The following PPP1R16A variants were observed in gnomAD, a reference collection of about 807,000 sequenced individuals.
The protein encoded by PPP1R16A is protein phosphatase 1 regulatory subunit 16A.
Under a neutral mutation model 46.6 loss-of-function variants are expected in PPP1R16A, and 39 were observed. The ratio of observed to expected loss-of-function variants is 0.84; its 90% CI spans 0.65 to 1.09. PPP1R16A has a LOEUF of 1.09. Ranked by LOEUF, PPP1R16A falls within the 50% of genes least tolerant of loss-of-function variation. PPP1R16A has a pLI of 0.00. For synonymous variants in PPP1R16A, 413 were observed against 321.5 expected (o/e 1.28, Z -3.04); for missense variants, 798 against 735.6 (o/e 1.08, Z -0.98).
chr8:144,501,151 C>T lies in PPP1R16A; in HGVS notation c.1060C>T (p.Leu354=). ...SRGKVVRRVS[L]TQRTDLYRKQ... Reference sequence around the variant, plus strand: ...CAGGAAGGTGGTGAGGCGGGTGAGCCTAACCCAGCGCACCGACCTGTACCG... The same window carrying T: ...CAGGAAGGTGGTGAGGCGGGTGAGCTTAACCCAGCGCACCGACCTGTACCG... The change falls in exon 11 of 12, where the codon CTA becomes TTA. Residue 354 remains leucine, a synonymous_variant. Coordinates refer to ENST00000435887, the MANE Select transcript of PPP1R16A (RefSeq NM_001329443.2). 7 of 1,610,926 alleles carry T rather than the reference C, an allele frequency of 4.3e-6. No individual in the cohort carries two copies. Among genetic ancestry groups the T allele is most frequent in the Non-Finnish European group, 5.9e-6 (7 of 1,179,664 alleles).
chr8:144,483,076 C>G (rs935673171), intron 1 of PPP1R16A, among the ~76,000 whole-genome samples: 2 of 152,240 alleles, frequency 1.3e-5, no homozygotes, highest in Admixed American at 1.3e-4. Flanking sequence ...GCCACCGCGC[C>G]CGGCCCAACT....
At chr8:144,481,806 C>G (rs1461810816) in intron 1 of PPP1R16A, among the ~76,000 whole-genome samples, 1 of 152,058 alleles carries the variant, frequency 6.6e-6, no homozygotes, top group Non-Finnish European at 1.5e-5. Flanking sequence ...GAGACAGAGT[C>G]TTGCTCTGTT....
rs1480524230 is a variant in PPP1R16A at position 144,500,891 on chromosome 8, C to G, written c.957C>G (p.His319Gln). 1 of 1,550,022 alleles carries G rather than the reference C, an allele frequency of 6.5e-7. No homozygotes were observed. Among genetic ancestry groups the G allele is most frequent in the Admixed American group, 1.9e-5 (1 of 51,812 alleles). Residue 319 changes from histidine (H) to glutamine (Q), a missense_variant, in exon 10 of 12, where the codon CAC becomes CAG. His to Gln is a conservative substitution (Grantham distance 24). Coordinates refer to ENST00000435887, the MANE Select transcript of PPP1R16A (RefSeq NM_001329443.2). Reference sequence around the variant, plus strand: ...GGGCCAAGCTGCTGGAGCTGAAGCACAAGCACGACGCCCTCCTGCGCGCCC... The same window carrying G: ...GGGCCAAGCTGCTGGAGCTGAAGCAGAAGCACGACGCCCTCCTGCGCGCCC... ...EVRAKLLELK[H>Q]KHDALLRAQS...
At chr8:144,501,377 G>T (rs1826456821) in intron 11 of PPP1R16A, 83 bp downstream of exon 11, 1 of 1,498,112 alleles carries the variant, frequency 6.7e-7, no homozygotes, top group Non-Finnish European at 8.9e-7. Context: ...ACCCCCTCCT[G>T]CCTGTGTCAG....
At chr8:144,485,350 G>A (rs1047413713) in intron 1 of PPP1R16A, among the ~76,000 whole-genome samples, 41 of 150,922 alleles carry the variant, frequency 2.7e-4, no homozygotes, top group Admixed American at 9.9e-4. Flanking sequence ...TGGTGAAACC[G>A]TGTCTCTACT....
At chr8:144,483,369 A>T (rs1027522568) in intron 1 of PPP1R16A, among the ~76,000 whole-genome samples, 4 of 152,112 alleles carry the variant, frequency 2.6e-5, no homozygotes, top group Non-Finnish European at 5.9e-5. Context: ...GAACTTTGTC[A>T]TCCTATGTGT....
At chr8:144,500,995 C>T (rs1276202637) in intron 10 of PPP1R16A, 24 bp downstream of exon 10, 2 of 1,433,986 alleles carry the variant, frequency 1.4e-6, no homozygotes, top group Non-Finnish European at 1.8e-6. Flanking sequence ...CCAGCAGGCC[C>T]CGCCCCGGGC....
chr8:144,480,410 G>A lies in PPP1R16A; in HGVS notation c.-914+2283G>A, dbSNP rs1009067666. Among the ~76,000 whole-genome samples the A allele has an allele frequency of 1.7e-4, 26 of 152,204 alleles. 2 individuals are homozygous for A. The highest frequency in any genetic ancestry group is 1.4e-3 in the Admixed American group (22 of 15,290). On this transcript the variant is annotated intron_variant, in intron 1 of 11. Transcript: ENST00000435887. ...ACTCACTGCAACCTCTGCCTCCCGCGTTCAAATGATTTTCCTGCCTCAGCC... is the reference window on the plus strand; with the variant it reads ...ACTCACTGCAACCTCTGCCTCCCGCATTCAAATGATTTTCCTGCCTCAGCC...
At chr8:144,486,675 C>T (rs1283363363) in intron 1 of PPP1R16A, among the ~76,000 whole-genome samples, 1 of 152,194 alleles carries the variant, frequency 6.6e-6, no homozygotes, top group Non-Finnish European at 1.5e-5. Context: ...TGTGTCTTTG[C>T]ATCCTCTGCC....
intron 1 of PPP1R16A, among the ~76,000 whole-genome samples, chr8:144,488,233 G>C (rs761288216): frequency 6.7e-6 from 1 of 149,746 alleles, no homozygotes; most frequent in African/African-American, 2.5e-5. Flanking sequence ...CTTTCCAGGG[G>C]ATATGCTTTG....
At chr8:144,489,485 C>G (rs118176809) in intron 1 of PPP1R16A, among the ~76,000 whole-genome samples, 3 of 152,128 alleles carry the variant, frequency 2.0e-5, no homozygotes, top group Admixed American at 6.5e-5. Flanking sequence ...ACCACTCACT[C>G]GTCCAGCCAC....
chr8:144,493,612 C>G lies in PPP1R16A; in HGVS notation c.-734-2849C>G, dbSNP rs534006295. Among the ~76,000 whole-genome samples the G allele has an allele frequency of 1.3e-4, 20 of 152,186 alleles. No individual in the cohort carries two copies. The highest frequency in any genetic ancestry group is 4.3e-4 in the African/African-American group (18 of 41,540). On this transcript the variant is annotated intron_variant, in intron 2 of 11. Transcript: ENST00000435887. This position sits in a 1 kb window ranked among gnomAD's most constrained non-coding sequence, Gnocchi z 4.3. ...CCCACTGCCGTGGGCCTTCGGCTGGCTGCTTCCTTCTGAGGGTGATTCCTG... is the reference window on the plus strand; with the variant it reads ...CCCACTGCCGTGGGCCTTCGGCTGGGTGCTTCCTTCTGAGGGTGATTCCTG...
intron 1 of PPP1R16A, among the ~76,000 whole-genome samples, chr8:144,482,759 C>T (rs1313743782): frequency 6.6e-6 from 1 of 151,784 alleles, no homozygotes; most frequent in Non-Finnish European, 1.5e-5. Context: ...AGCGATTCTC[C>T]TGCCTCAGCC....
rs1229654419 is a variant in PPP1R16A, at chr8:144,501,995, G to A, written c.*92G>A. The A allele has an allele frequency of 1.8e-5, 23 of 1,310,376 alleles. No homozygotes were observed. In the East Asian group the frequency reaches 5.8e-4, roughly 33 times the overall value. The allele number at this position is 1,310,376 out of a possible 1,614,324, so 81.2% of individuals were successfully genotyped here. On this transcript the variant is annotated 3_prime_UTR_variant, in exon 12 of 12. Transcript: ENST00000435887. ...GCCCTGGTGCTGCGGGTGCAGCACG[G>A]AAACCCCGGCTTCTACTGTACAGGA...
intron 1 of PPP1R16A, among the ~76,000 whole-genome samples, chr8:144,487,728 T>G (rs1340422872): frequency 1.3e-5 from 2 of 152,238 alleles, no homozygotes; most frequent in South Asian, 4.1e-4. Context: ...GCCAGTAACT[T>G]AGGTCTTACT....
chr8:144,497,368 A>G lies in PPP1R16A; in HGVS notation c.174A>G (p.Ala58=), dbSNP rs1255706076. 2 of 1,612,968 alleles carry G rather than the reference A, an allele frequency of 1.2e-6. No homozygotes were observed. Among genetic ancestry groups the G allele is most frequent in the Non-Finnish European group, 1.7e-6 (2 of 1,180,012 alleles). ...KGPGERPRKE[A]ASQGLLKQVL... ...CTGGGGAGCGTCCCCGGAAGGAGGC[A>G]GCCAGCCAAGGGCTCCTGAAGCAGG... Residue 58 remains alanine, a synonymous_variant, in exon 3 of 12, where the codon GCA becomes GCG. Coordinates refer to ENST00000435887, the MANE Select transcript of PPP1R16A (RefSeq NM_001329443.2).
rs1429441128 is a variant in PPP1R16A, at chr8:144,500,753, C to T, written c.899C>T (p.Thr300Met). 1 of 1,611,690 alleles carries T rather than the reference C, an allele frequency of 6.2e-7. No homozygotes were observed. Among genetic ancestry groups the T allele is most frequent in the East Asian group, 2.2e-5 (1 of 44,862 alleles). Residue 300 changes from threonine (T) to methionine (M), a missense_variant, in exon 9 of 12, where the codon ACG (threonine) becomes ATG (methionine). Transcript: ENST00000435887. ...AACGCAAAGTCCCTGATGGACGAGA[C>T]GCCCCTTGGTGAGCTTGCGGGGCCC... Reference protein sequence around the residue: ...DLNAKSLMDETPLDVCGDEEV... With the variant: ...DLNAKSLMDEMPLDVCGDEEV...
chr8:144,490,672 T>A (rs993757927), intron 2 of PPP1R16A, among the ~76,000 whole-genome samples: 2 of 152,128 alleles, frequency 1.3e-5, no homozygotes, highest in African/African-American at 4.8e-5. Flanking sequence ...GTGAGGCATG[T>A]CTCCAGAGAC....
chr8:144,501,176 G>C lies in PPP1R16A; in HGVS notation c.1085G>C (p.Arg362Pro). ...CTAACCCAGCGCACCGACCTGTACC[G>C]CAAGCAGCACGCCCAGGAGGCCATC... Reference protein sequence around the residue: ...VSLTQRTDLYRKQHAQEAIVW... With the variant: ...VSLTQRTDLYPKQHAQEAIVW... Residue 362 changes from arginine (R) to proline (P), a missense_variant, in exon 11 of 12, where the codon CGC becomes CCC. Coordinates refer to ENST00000435887, the MANE Select transcript of PPP1R16A (RefSeq NM_001329443.2). 1 of 1,610,504 alleles carries C rather than the reference G, an allele frequency of 6.2e-7. No individual in the cohort carries two copies. Among genetic ancestry groups the C allele is most frequent in the Non-Finnish European group, 8.5e-7 (1 of 1,179,636 alleles).
Sources: allele counts gnomAD v4.1 joint callset (sites outside exome capture counted in the v4.1 genomes callset), GRCh38; gene constraint gnomAD v4.1.1; non-coding constraint Gnocchi (gnomAD v3.1); transcripts MANE v1.5; gene names NCBI Gene and HGNC (gene_info 2026-07-23, HGNC 2026-07-21).